Variants in TBR1 observed in about 807,000 individuals in gnomAD.
TBR1 encodes T-box brain protein 1.
TBR1 carries 7 observed loss-of-function variants against 60.3 expected under a neutral mutation model. The ratio of observed to expected loss-of-function variants is 0.12; its 90% CI spans 0.07 to 0.22. The LOEUF (loss-of-function observed/expected upper bound fraction) is 0.22, where lower values mean the gene tolerates loss of function less well. Among genes scored for constraint, TBR1 ranks in the 10% least tolerant of loss-of-function variants. The pLI is 1.00. For missense variants in TBR1, 616 were observed against 936.8 expected (o/e 0.66, Z 4.47); for synonymous variants, 417 against 409.9 (o/e 1.02, Z -0.21).
chr2:161,416,962 C>T lies in TBR1; in HGVS notation c.552C>T (p.Tyr184=). 1 of 1,614,184 alleles carries T rather than the reference C, an allele frequency of 6.2e-7. No individual in the cohort carries two copies. The highest frequency in any genetic ancestry group is 8.5e-7 in the Non-Finnish European group (1 of 1,180,038). The change falls in exon 1 of 6, where the codon TAC becomes TAT. Residue 184 remains tyrosine, a synonymous_variant. Transcript: ENST00000389554. The surrounding 1 kb of genome is among the most constrained non-coding windows in gnomAD (Gnocchi z 6.1). ...ACCCACAGCAGTACGGCCACTCCTA[C>T]CAAGGAGCTCCGTTCTACCAGTTCT... The part of the protein sequence containing the change: ...YPYPQQYGHS[Y]QGAPFYQFSS...
rs766588402 is a variant in TBR1, at chr2:161,416,827, C to A, written c.417C>A (p.Ile139=). ...GACCGGCGCACCCCGCCTTCTCCAT[C>A]GGCAGCCCTAGCCGCTACATGGCCC... The part of the protein sequence containing the change: ...QHGPAHPAFS[I]GSPSRYMAHH... Residue 139 remains isoleucine (I), a synonymous_variant, in exon 1 of 6, where the codon ATC becomes ATA. Coordinates refer to ENST00000389554, the MANE Select transcript of TBR1 (RefSeq NM_006593.4). This position sits in a 1 kb window ranked among gnomAD's most constrained non-coding sequence, Gnocchi z 6.1. 2.5e-6 allele frequency: 4 copies of A among 1,613,908 alleles called. No homozygotes were observed. The African/African-American group carries it at 5.3e-5, about 22-fold the overall frequency.
At chr2:161,418,025 A>G (rs1574149655) in intron 2 of TBR1, 176 bp from the exon 3 acceptor site, 1 of 1,454,602 alleles carries the variant, frequency 6.9e-7, no homozygotes, top group Non-Finnish European at 9.0e-7. Context: ...AATCACCCCC[A>G]GTTAATAGGA....
chr2:161,423,116 CT>C (rs1443970210), intron 5 of TBR1: 1 of 378,322 alleles, frequency 2.6e-6, no homozygotes, highest in Non-Finnish European at 4.7e-6. Flanking sequence ...AAGTCGTTCC[CT>C]TGATGGTCTG....
At position 161,416,628 on chromosome 2, in the gene TBR1, A is replaced by T; in HGVS notation, c.218A>T (p.Asp73Val). The T allele has an allele frequency of 6.2e-7, 1 of 1,614,036 alleles. No homozygotes were observed. The highest frequency in any genetic ancestry group is 8.5e-7 in the Non-Finnish European group (1 of 1,180,012). The change falls in exon 1 of 6, where the codon GAC (aspartate) becomes GTC (valine). Residue 73 changes from aspartate to valine, a missense_variant. Asp to Val is a radical substitution (Grantham distance 152). Transcript: ENST00000389554. This position sits in a 1 kb window ranked among gnomAD's most constrained non-coding sequence, Gnocchi z 6.1. ...SDTDNFPDSK[D>V]SPGDVQRSKL... ...ACAGACAATTTTCCTGACTCCAAGG[A>T]CTCACCAGGGGACGTCCAGAGAAGT...
chr2:161,419,128 A>G (rs1167811455), intron 4 of TBR1, 78 bp downstream of exon 4: 1 of 1,603,276 alleles, frequency 6.2e-7, no homozygotes, highest in Non-Finnish European at 8.5e-7. Context: ...CCCGCCATGC[A>G]AGGCTAGGGT....
In TBR1 at chr2:161,417,223, T is replaced by A; in HGVS notation, c.692+121T>A. On this transcript the variant is annotated intron_variant, in intron 1 of 5. Coordinates refer to ENST00000389554, the MANE Select transcript of TBR1 (RefSeq NM_006593.4). The surrounding 1 kb of genome is among the most constrained non-coding windows in gnomAD (Gnocchi z 5.3). ...GAGCGGAGTGGAAGGCGCCCTAGAG[T>A]TGGCTAGTTTTGGAAAGGGGGAAAG... 8 of 1,006,758 alleles carry A rather than the reference T, an allele frequency of 7.9e-6. No individual in the cohort carries two copies. Among genetic ancestry groups the A allele is most frequent in the Non-Finnish European group, 1.1e-5 (8 of 698,112 alleles). 62.4% of individuals were successfully genotyped at this position (1,006,758 alleles called of 1,614,324 possible).
Position 161,417,296 on chromosome 2 carries a change from T to C in TBR1, c.692+194T>C. The stretch of plus-strand genomic sequence containing the variant: ...GATGTTGGTGGGGGGGACCCCGTTC[T>C]AGGAACATAGTGGGAGAGCCAGTCA... On this transcript the variant is annotated intron_variant, in intron 1 of 5. Coordinates refer to ENST00000389554, the MANE Select transcript of TBR1 (RefSeq NM_006593.4). This position sits in a 1 kb window ranked among gnomAD's most constrained non-coding sequence, Gnocchi z 5.3. 1 of 626,132 alleles carries C rather than the reference T, an allele frequency of 1.6e-6. No individual in the cohort carries two copies. The highest frequency in any genetic ancestry group is 2.1e-5 in the South Asian group (1 of 47,142). The allele number at this position is 626,132 out of a possible 1,614,324, so 38.8% of individuals were successfully genotyped here.
chr2:161,419,239 G>A, intron 4 of TBR1, 189 bp downstream of exon 4: 1 of 773,910 alleles, frequency 1.3e-6, no homozygotes, highest in Non-Finnish European at 2.0e-6. Flanking sequence ...CCAAGCCGGT[G>A]GGAAAAAGCT....
At chr2:161,418,371 C>T in intron 3 of TBR1, 49 bp downstream of exon 3, 1 of 1,590,652 alleles carries the variant, frequency 6.3e-7, no homozygotes, top group Non-Finnish European at 8.6e-7. Flanking sequence ...CCCCTTCCTC[C>T]CTGACATCCA....
Position 161,423,933 on chromosome 2 carries a change from G to GGCCGAGGGCCTGGCC in TBR1, c.1762_1776dup (p.Gly588_Glu592dup). 1 of 1,540,922 alleles carries GGCCGAGGGCCTGGCC rather than the reference G, an allele frequency of 6.5e-7. No individual in the cohort carries two copies. Among genetic ancestry groups the GGCCGAGGGCCTGGCC allele is most frequent in the Non-Finnish European group, 8.8e-7 (1 of 1,142,514 alleles). On this transcript the variant is annotated inframe_insertion, in exon 6 of 6. Coordinates refer to ENST00000389554, the MANE Select transcript of TBR1 (RefSeq NM_006593.4). ...GCGCCAATCCCTACCTGGGCGAGGAGGCCGAGGGCCTGGCCGCCGAGCGCT... is the reference window on the plus strand; with the variant it reads ...GCGCCAATCCCTACCTGGGCGAGGAGGCCGAGGGCCTGGCCGCCGAGGGCCTGGCCGCCGAGCGCT...
Position 161,416,983 on chromosome 2 carries a change from G to A in TBR1, c.573G>A (p.Gln191=). The A allele has an allele frequency of 6.2e-7, 1 of 1,614,178 alleles. No individual in the cohort carries two copies. Among genetic ancestry groups the A allele is most frequent in the Non-Finnish European group, 8.5e-7 (1 of 1,180,046 alleles). The change falls in exon 1 of 6, where the codon CAG becomes CAA. Residue 191 remains glutamine (Q), a synonymous_variant. Transcript: ENST00000389554. This position sits in a 1 kb window ranked among gnomAD's most constrained non-coding sequence, Gnocchi z 6.1. ...CCTACCAAGGAGCTCCGTTCTACCAGTTCTCCTCCACCCAGCCGGGGCTGG... is the reference window on the plus strand; with the variant it reads ...CCTACCAAGGAGCTCCGTTCTACCAATTCTCCTCCACCCAGCCGGGGCTGG... ...GHSYQGAPFY[Q]FSSTQPGLVP...
At chr2:161,418,076 T>A in intron 2 of TBR1, 125 bp from the exon 3 acceptor site, 1 of 1,469,962 alleles carries the variant, frequency 6.8e-7, no homozygotes, top group Admixed American at 2.7e-5. Context: ...ATGGGCTTCA[T>A]GGTGGAGTAA....
intron 5 of TBR1, 68 bp from the exon 6 acceptor site, chr2:161,423,301 C>A: frequency 1.8e-6 from 2 of 1,092,798 alleles, no homozygotes; most frequent in East Asian, 3.0e-5. Flanking sequence ...CCCTTCTGCC[C>A]CCACCCCCAC....
At chr2:161,418,087 GGTGTGTGTAT>G (rs1189019113) in intron 2 of TBR1, 104 bp from the exon 3 acceptor site, 1 of 1,388,794 alleles carries the variant, frequency 7.2e-7, no homozygotes, top group Non-Finnish European at 9.4e-7. Flanking sequence ...GGTGGAGTAA[GGTGTGTGTAT>G]GTGTGTGTGT....
chr2:161,424,362 G>C lies in TBR1; in HGVS notation c.*135G>C. On this transcript the variant is annotated 3_prime_UTR_variant, in exon 6 of 6. Coordinates refer to ENST00000389554, the MANE Select transcript of TBR1 (RefSeq NM_006593.4). The surrounding 1 kb of genome is among the most constrained non-coding windows in gnomAD (Gnocchi z 4.4). ...ATTTGACCCTCGATGGCCGTCTGCA[G>C]CGAATAAGTGCAGGTCTCCGAGCGT... The C allele has an allele frequency of 1.0e-6, 1 of 984,190 alleles. No homozygotes were observed. Among genetic ancestry groups the C allele is most frequent in the Non-Finnish European group, 1.5e-6 (1 of 676,392 alleles). 61.0% of individuals were successfully genotyped at this position (984,190 alleles called of 1,614,324 possible). A position where few individuals can be genotyped will look rare whatever the true frequency, so the allele number is the denominator to read the frequency against.
At chr2:161,418,343 T>C in intron 3 of TBR1, 21 bp downstream of exon 3, 1 of 1,609,260 alleles carries the variant, frequency 6.2e-7, no homozygotes, top group Non-Finnish European at 8.5e-7. Flanking sequence ...CAAGCGCTCG[T>C]GTTTTCTCTC....
rs1346619761 is a variant in TBR1, at chr2:161,425,416, G to A, written c.*1189G>A. 1.3e-5 allele frequency: 2 copies of A among 152,060 alleles called. No individual in the cohort carries two copies. Among genetic ancestry groups the A allele is most frequent in the Non-Finnish European group, 1.5e-5 (1 of 68,000 alleles). 9.4% of individuals were successfully genotyped at this position (152,060 alleles called of 1,614,324 possible). A position where few individuals can be genotyped will look rare whatever the true frequency, so the allele number is the denominator to read the frequency against. On this transcript the variant is annotated 3_prime_UTR_variant, in exon 6 of 6. Coordinates refer to ENST00000389554, the MANE Select transcript of TBR1 (RefSeq NM_006593.4). ...GTATATTTTACTGCATTTTAGTTTT[G>A]AAAATGACTTCCCCACCACCTAGAA...
Position 161,423,388 on chromosome 2 carries a change from A to G in TBR1, c.1210A>G (p.Met404Val), listed in dbSNP as rs937384477. The change falls in exon 6 of 6, where the codon ATG becomes GTG. Residue 404 changes from methionine to valine, a missense_variant. By Grantham distance (21) the Met-to-Val change is conservative. Around this residue, in one of 8 missense-constraint regions of TBR1, gnomAD observed 19 missense variants for 42.2 expected, o/e 0.45. Transcript: ENST00000389554. ...NYDTIYTGCD[M>V]DRLTPSPNDS... ...CCGCAGGATCTACACCGGCTGTGAC[A>G]TGGACCGCCTGACCCCCTCGCCCAA... 1 of 1,560,970 alleles carries G rather than the reference A, an allele frequency of 6.4e-7. No individual in the cohort carries two copies. Among genetic ancestry groups the G allele is most frequent in the Non-Finnish European group, 8.7e-7 (1 of 1,154,514 alleles).
intron 3 of TBR1, 44 bp downstream of exon 3, chr2:161,418,366 T>C: frequency 6.3e-7 from 1 of 1,593,806 alleles, no homozygotes; most frequent in Non-Finnish European, 8.5e-7. Context: ...TCTCACCCCT[T>C]CCTCCCTGAC....
Sources: gnomAD v4.1 joint callset for allele counts on GRCh38, gnomAD v4.1.1 for gene constraint, gnomAD v4.1.1 regional missense constraint, Gnocchi (gnomAD v3.1) non-coding constraint, MANE v1.5 for transcripts, NCBI Gene and HGNC (gene_info 2026-07-23, HGNC 2026-07-21) for gene names.